The following CALD1 variants were observed in gnomAD, a reference collection of about 807,000 sequenced individuals.
The protein encoded by CALD1 is caldesmon 1.
In CALD1, 33 loss-of-function variants were observed where a neutral mutation model predicts 99.9. That is an observed-to-expected ratio of 0.33 (90% CI 0.25 to 0.44). The LOEUF is 0.44. Ranked by LOEUF, CALD1 falls within the 20% of genes least tolerant of loss-of-function variation. The pLI, the probability that CALD1 is intolerant of heterozygous loss-of-function variation, is 1.00. For missense variants in CALD1, 861 were observed against 962.1 expected, an observed-to-expected ratio of 0.89 and a Z score of 1.39; for synonymous variants, 310 against 325.0, an observed-to-expected ratio of 0.95 and a Z score of 0.50.
At chr7:134,890,730 A>G (rs1240133865) in intron 3 of CALD1, among the ~76,000 whole-genome samples, 2 of 152,208 alleles carry the variant, frequency 1.3e-5, no homozygotes, top group Non-Finnish European at 1.5e-5. Context: ...TCCATTGCCC[A>G]GCTTGGCTGA....
chr7:134,960,739 C>A (rs1808202296), intron 13 of CALD1, 111 bp downstream of exon 13: 2 of 660,992 alleles, frequency 3.0e-6, no homozygotes, highest in South Asian at 3.6e-5. Context: ...CTGTTCTTTG[C>A]TTTCCCTGAT....
intron 1 of CALD1, among the ~76,000 whole-genome samples, chr7:134,768,176 A>G (rs997763269): frequency 2.6e-5 from 4 of 152,138 alleles, no homozygotes; most frequent in African/African-American, 9.7e-5. Flanking sequence ...GAAGTGAGAA[A>G]CAGTACCATT....
intron 3 of CALD1, among the ~76,000 whole-genome samples, chr7:134,909,496 A>G (rs1803638268): frequency 6.6e-6 from 1 of 152,220 alleles, no homozygotes; most frequent in Non-Finnish European, 1.5e-5. Context: ...CAGCCTGGCC[A>G]ACACAGTGAA....
At chr7:134,949,907 CAAA>C (rs35356920) in intron 8 of CALD1, among the ~76,000 whole-genome samples, 1 of 137,876 alleles carries the variant, frequency 7.3e-6, no homozygotes, top group African/African-American at 2.7e-5. Flanking sequence ...GCTGATGAGC[CAAA>C]AAAAAAAAAA....
chr7:134,953,549 C>T (rs746567729), intron 9 of CALD1, among the ~76,000 whole-genome samples: 1 of 150,898 alleles, frequency 6.6e-6, no homozygotes, highest in Non-Finnish European at 1.5e-5. Context: ...AAAAGAAAAC[C>T]ATGTTCTCTC....
chr7:134,811,328 G>A (rs888066954), intron 1 of CALD1, among the ~76,000 whole-genome samples: 3 of 152,144 alleles, frequency 2.0e-5, no homozygotes, highest in East Asian at 3.9e-4. Flanking sequence ...CTGGGGGCAG[G>A]GGTCTGGAGT....
intron 3 of CALD1, among the ~76,000 whole-genome samples, chr7:134,908,411 G>C (rs937019502): frequency 3.3e-5 from 5 of 152,214 alleles, no homozygotes; most frequent in African/African-American, 1.2e-4. Flanking sequence ...TCTATTTCCT[G>C]TCTGATCACT....
upstream of CALD1, among the ~76,000 whole-genome samples, chr7:134,775,916 T>C (rs1216951954): frequency 6.6e-6 from 1 of 152,202 alleles, no homozygotes; most frequent in Non-Finnish European, 1.5e-5. Context: ...TTTGTTATTA[T>C]GAATAGCATC....
chr7:134,724,562 T>G, the CALD1 span, among the ~76,000 whole-genome samples: 1 of 152,246 alleles, frequency 6.6e-6, no homozygotes, highest in Non-Finnish European at 1.5e-5. Context: ...TGCAATATGA[T>G]TTCACTTTAT....
At chr7:134,900,038 G>A (rs1204175727) in intron 3 of CALD1, 7 of 152,092 alleles carry the variant, frequency 4.6e-5, no homozygotes, top group Admixed American at 2.6e-4. Flanking sequence ...TGTAAGTAAC[G>A]GTGGGGAAGA....
At chr7:134,719,753 T>C in the CALD1 span, among the ~76,000 whole-genome samples, 27 of 152,292 alleles carry the variant, frequency 1.8e-4, no homozygotes, top group African/African-American at 6.3e-4. Context: ...CCAATCTGGT[T>C]TGGACAAGGT....
chr7:134,753,423 C>T (rs1215748253), intron 1 of CALD1, among the ~76,000 whole-genome samples: 1 of 152,178 alleles, frequency 6.6e-6, no homozygotes, highest in East Asian at 1.9e-4. Context: ...CACCAATCAC[C>T]AACTCTAAAT....
intron 8 of CALD1, chr7:134,948,201 T>C (rs1807058702): frequency 6.4e-6 from 1 of 156,956 alleles, no homozygotes; most frequent in South Asian, 1.9e-4. Flanking sequence ...GGAGAGTTTT[T>C]ATAGAGAAGA....
At chr7:134,782,741 C>A (rs1180873693) in intron 1 of CALD1, among the ~76,000 whole-genome samples, 1 of 152,170 alleles carries the variant, frequency 6.6e-6, no homozygotes, top group East Asian at 1.9e-4. Flanking sequence ...TCATTTGAGT[C>A]CTCTGGACAT....
chr7:134,712,084 A>AGGAAAAGTTGGGAAAG, the CALD1 span, among the ~76,000 whole-genome samples: 1 of 151,422 alleles, frequency 6.6e-6, no homozygotes, highest in East Asian at 1.9e-4. Context: ...GTTGGGAAAG[A>AGGAAAAGTTGGGAAAG]GGAAAAAAAG....
chr7:134,805,375 T>C (rs898529708), intron 1 of CALD1, among the ~76,000 whole-genome samples: 2 of 152,202 alleles, frequency 1.3e-5, no homozygotes, highest in African/African-American at 4.8e-5. Context: ...CTATATATTG[T>C]TTTTAGCCAT....
intron 1 of CALD1, among the ~76,000 whole-genome samples, chr7:134,839,866 TA>T (rs1799583885): frequency 6.6e-6 from 1 of 152,156 alleles, no homozygotes; most frequent in African/African-American, 2.4e-5. Flanking sequence ...ATTTATTTTT[TA>T]GTTGTTGGCA....
chr7:134,822,748 T>A (rs955713663), intron 1 of CALD1, among the ~76,000 whole-genome samples: 1 of 152,228 alleles, frequency 6.6e-6, no homozygotes, highest in African/African-American at 2.4e-5. Flanking sequence ...AGACAACTTA[T>A]TCTACTTCAT....
At chr7:134,891,577 GTCTCCGTATC>G in intron 3 of CALD1, 1 of 1,584,964 alleles carries the variant, frequency 6.3e-7, no homozygotes, top group Non-Finnish European at 8.6e-7. Context: ...GCCTGGCCAG[GTCTCCGTATC>G]TCTCTGCCCC....
Sources: allele counts gnomAD v4.1 joint callset (sites outside exome capture counted in the v4.1 genomes callset), GRCh38; gene constraint gnomAD v4.1.1; transcripts MANE v1.5; gene names NCBI Gene and HGNC (gene_info 2026-07-23, HGNC 2026-07-21).